The following PIWIL3 variants were observed in gnomAD, a reference collection of about 807,000 sequenced individuals.
PIWIL3 encodes piwi like RNA-mediated gene silencing 3, also known as piwi-like protein 3.
PIWIL3 carries 101 observed loss-of-function variants against 109.7 expected under a neutral mutation model. The observed-to-expected ratio is 0.92, with a 90% CI of 0.78 to 1.09. The LOEUF is 1.09. PIWIL3 is among the 50% of genes least tolerant of loss of function. The probability of loss-of-function intolerance (pLI) is 0.00; values close to 1 mark genes in which losing one functional copy is unlikely to be tolerated. For missense variants in PIWIL3, 1,031 were observed against 1,072.6 expected, an observed-to-expected ratio of 0.96 and a Z score of 0.54; for synonymous variants, 373 against 376.4, an observed-to-expected ratio of 0.99 and a Z score of 0.10.
chr22:24,721,175 C>A (rs1469795667), intron 19 of PIWIL3, among the ~76,000 whole-genome samples: 1 of 152,080 alleles, frequency 6.6e-6, no homozygotes, highest in African/African-American at 2.4e-5. Context: ...TTCACTGTCA[C>A]CCTTGATAAG....
intron 1 of PIWIL3, among the ~76,000 whole-genome samples, chr22:24,763,427 A>G (rs1925572205): frequency 6.6e-6 from 1 of 152,012 alleles, no homozygotes; most frequent in Non-Finnish European, 1.5e-5. Flanking sequence ...CAGCCTCCTG[A>G]GTAGCTGGGA....
At chr22:24,753,971 G>A (rs1211011643) in intron 8 of PIWIL3, 43 bp downstream of exon 8, 1 of 1,492,838 alleles carries the variant, frequency 6.7e-7, no homozygotes, top group South Asian at 1.2e-5. Context: ...TGGGGGAAGG[G>A]GGAGTTAAAG....
At chr22:24,732,373 A>T (rs1387953823) in intron 14 of PIWIL3, among the ~76,000 whole-genome samples, 1 of 152,208 alleles carries the variant, frequency 6.6e-6, no homozygotes, top group Non-Finnish European at 1.5e-5. Flanking sequence ...CGCTTCCCCC[A>T]TGCCATCTGA....
At chr22:24,741,134 C>T (rs1444965659) in intron 12 of PIWIL3, among the ~76,000 whole-genome samples, 1 of 152,178 alleles carries the variant, frequency 6.6e-6, no homozygotes, top group Non-Finnish European at 1.5e-5. Flanking sequence ...TGCTACACCA[C>T]ACAAACAGGA....
chr22:24,752,044 C>T (rs1272457317), intron 8 of PIWIL3, among the ~76,000 whole-genome samples: 2 of 151,602 alleles, frequency 1.3e-5, no homozygotes, highest in African/African-American at 2.4e-5. Context: ...ATTTATGTGC[C>T]GATTTTAATA....
chr22:24,723,361 A>G lies in PIWIL3; in HGVS notation c.2232-106T>C, dbSNP rs9624573. On this transcript the variant is annotated intron_variant, in intron 18 of 20. Transcript: ENST00000616349. Reference sequence around the variant, plus strand: ...ACATTTAGGACCCATTAAGAAGAACAGACAGCAGCCCTCCTTACACCCTAA... The same window carrying G: ...ACATTTAGGACCCATTAAGAAGAACGGACAGCAGCCCTCCTTACACCCTAA... 6,618 of 1,185,816 alleles carry G rather than the reference A, an allele frequency of 5.6e-3. 260 individuals are homozygous for G. The African/African-American group carries it at 0.085, about 15-fold the overall frequency. 73.5% of individuals were successfully genotyped at this position (1,185,816 alleles called of 1,614,324 possible). A position where few individuals can be genotyped will look rare whatever the true frequency, so the allele number is the denominator to read the frequency against.
At chr22:24,749,878 C>T (rs1027534250) in intron 9 of PIWIL3, 59 bp from the exon 10 acceptor site, 5 of 1,612,840 alleles carry the variant, frequency 3.1e-6, no homozygotes, top group African/African-American at 2.7e-5. Flanking sequence ...ACATCACACA[C>T]AGAGGTTCAA....
At position 24,731,510 on chromosome 22, in the gene PIWIL3, G is replaced by A. The variant is rs184184292; in HGVS notation, c.1707+2574C>T. Among the ~76,000 whole-genome samples the A allele has an allele frequency of 3.1e-3, 476 of 152,198 alleles. 3 individuals are homozygous for A. The Middle Eastern group carries it at 0.034, about 11-fold the overall frequency. On this transcript the variant is annotated intron_variant, in intron 14 of 20. Transcript: ENST00000616349. ...TACTAAAATATAAAAAATTAGCCGG[G>A]CATGGTGGCGGACGCCTGTAGTCCC...
At position 24,756,668 on chromosome 22, in the gene PIWIL3, G is replaced by A; in HGVS notation, c.393C>T (p.His131=). ...EGTVVQLLAN[H]FRVISRPQWV... Reference sequence around the variant, plus strand: ...ACTGAGGACGAGATATCACTCGGAAGTGGTTGGCGAGTAGCTGTACCACTG... The same window carrying A: ...ACTGAGGACGAGATATCACTCGGAAATGGTTGGCGAGTAGCTGTACCACTG... The change falls in exon 5 of 21, where the codon CAC becomes CAT. Residue 131 remains histidine (H), a synonymous_variant. Coordinates refer to ENST00000616349, the MANE Select transcript of PIWIL3 (RefSeq NM_001255975.1). 6.2e-7 allele frequency: 1 copy of A among 1,614,070 alleles called. No homozygotes were observed. Among genetic ancestry groups the A allele is most frequent in the Non-Finnish European group, 8.5e-7 (1 of 1,179,974 alleles).
rs56087060 is a variant in PIWIL3, at chr22:24,720,259, GTTTTTTTT to G, written c.2358-372_2358-365del. ...AGAATCACTGGACTATATTTAAACTGTTTTTTTTTTTTTTTTTTTTTTTTTTTTTTTAG... is the reference window on the plus strand; with the variant it reads ...AGAATCACTGGACTATATTTAAACTGTTTTTTTTTTTTTTTTTTTTTTTAG... On this transcript the variant is annotated intron_variant, in intron 19 of 20. Transcript: ENST00000616349. Among the ~76,000 whole-genome samples the G allele has an allele frequency of 3.2e-3, 334 of 105,526 alleles. 9 individuals are homozygous for G. In the South Asian group the frequency reaches 0.049, roughly 15 times the overall value. 69.2% of individuals were successfully genotyped at this position (105,526 alleles called of 152,430 possible). A position where few individuals can be genotyped will look rare whatever the true frequency, so the allele number is the denominator to read the frequency against.
At chr22:24,738,100 A>G (rs986224817) in intron 12 of PIWIL3, among the ~76,000 whole-genome samples, 1 of 152,170 alleles carries the variant, frequency 6.6e-6, no homozygotes, top group Non-Finnish European at 1.5e-5. Context: ...GCAGTGAGCC[A>G]AGATTGCACC....
chr22:24,767,373 T>TA (rs71189282), intron 1 of PIWIL3, among the ~76,000 whole-genome samples: 2 of 150,382 alleles, frequency 1.3e-5, no homozygotes, highest in South Asian at 2.1e-4. Context: ...CCGTCTCTAC[T>TA]AAAAAAAATA....
intron 14 of PIWIL3, among the ~76,000 whole-genome samples, chr22:24,731,198 A>G (rs959281413): frequency 1.3e-5 from 2 of 152,188 alleles, no homozygotes; most frequent in Non-Finnish European, 2.9e-5. Flanking sequence ...TCCACAAACA[A>G]GTTTATTGGA....
intron 14 of PIWIL3, among the ~76,000 whole-genome samples, chr22:24,732,018 G>A (rs1449948701): frequency 1.3e-5 from 2 of 152,188 alleles, no homozygotes; most frequent in Non-Finnish European, 2.9e-5. Flanking sequence ...TCTGCAAGCT[G>A]TCTGTACCTA....
intron 6 of PIWIL3, 49 bp downstream of exon 6, chr22:24,755,735 A>G: frequency 3.1e-6 from 5 of 1,609,738 alleles, no homozygotes; most frequent in Non-Finnish European, 4.2e-6. Flanking sequence ...ACCACTACAC[A>G]GTAAAACAAC....
intron 1 of PIWIL3, among the ~76,000 whole-genome samples, chr22:24,768,173 C>A (rs1006008674): frequency 6.6e-6 from 1 of 152,036 alleles, no homozygotes; most frequent in Non-Finnish European, 1.5e-5. Flanking sequence ...TGTTTTGTGA[C>A]CATCACAAAA....
At chr22:24,721,347 C>T (rs1922663370) in intron 19 of PIWIL3, among the ~76,000 whole-genome samples, 1 of 152,162 alleles carries the variant, frequency 6.6e-6, no homozygotes, top group African/African-American at 2.4e-5. Flanking sequence ...TGAAGTTTCA[C>T]TATAACATTT....
chr22:24,719,471 G>A lies in PIWIL3; in HGVS notation c.*1C>T. 1 of 1,567,804 alleles carries A rather than the reference G, an allele frequency of 6.4e-7. No homozygotes were observed. The highest frequency in any genetic ancestry group is 8.6e-7 in the Non-Finnish European group (1 of 1,159,712). ...TAGCACATCAGGTCTTCTTCTGCAG[G>A]TCAAAGGTAAAAGAGACGAGTTGAC... On this transcript the variant is annotated 3_prime_UTR_variant, in exon 21 of 21. Coordinates refer to ENST00000616349, the MANE Select transcript of PIWIL3 (RefSeq NM_001255975.1).
Position 24,734,126 on chromosome 22 carries a change from ATAGGAG to A in PIWIL3, c.1659_1664del (p.Ser554_Tyr555del). The A allele has an allele frequency of 1.2e-6, 2 of 1,613,084 alleles. No individual in the cohort carries two copies. The highest frequency in any genetic ancestry group is 1.7e-6 in the Non-Finnish European group (2 of 1,179,666). On this transcript the variant is annotated inframe_deletion, in exon 14 of 21. Coordinates refer to ENST00000616349, the MANE Select transcript of PIWIL3 (RefSeq NM_001255975.1). ...TAGTATATTTCCGTAATGTGTCTAT[ATAGGAG>A]TTAGCATCACCATCTACTTCAATCC...
Sources: allele counts gnomAD v4.1 joint callset (sites outside exome capture counted in the v4.1 genomes callset), GRCh38; gene constraint gnomAD v4.1.1; transcripts MANE v1.5; gene names NCBI Gene and HGNC (gene_info 2026-07-23, HGNC 2026-07-21).